Variants in UGGT1 observed in about 807,000 individuals in gnomAD.
UGGT1 encodes UDP-glucose glycoprotein glucosyltransferase 1, also known as UDP-glucose:glycoprotein glucosyltransferase 1.
A neutral mutation model predicts 203.9 loss-of-function variants in UGGT1; 107 were observed. The observed-to-expected ratio is 0.52, with a 90% CI of 0.45 to 0.62. The LOEUF (loss-of-function observed/expected upper bound fraction) is 0.62. Among genes scored for constraint, UGGT1 ranks in the 20% least tolerant of loss-of-function variants. The pLI is 0.00. For synonymous variants in UGGT1, 628 were observed against 653.5 expected (o/e 0.96, Z 0.59); for missense variants, 1,673 against 1,867.2 (o/e 0.90, Z 1.92).
At chr2:128,112,454 T>TTATATATATATATATA (rs59726004) in intron 5 of UGGT1, among the ~76,000 whole-genome samples, 1,589 of 55,702 alleles carry the variant, frequency 0.029, 286 homozygotes, top group Non-Finnish European at 0.044. Flanking sequence ...AAATACTATG[T>TTATATATATATATATA]TATATATATA....
chr2:128,122,515 C>T (rs1688429393), intron 10 of UGGT1, among the ~76,000 whole-genome samples: 1 of 146,962 alleles, frequency 6.8e-6, no homozygotes, highest in African/African-American at 2.5e-5. Context: ...GCCTGAGCAA[C>T]AAGAACGAAA....
intron 26 of UGGT1, among the ~76,000 whole-genome samples, chr2:128,169,045 C>A: frequency 1.4e-5 from 1 of 73,244 alleles, no homozygotes; most frequent in Non-Finnish European, 2.4e-5. Context: ...GAGACTCTGT[C>A]TTTAAAAAAA....
chr2:128,172,488 ACCAGTTGTTAC>A, intron 28 of UGGT1, 74 bp from the exon 29 acceptor site: 1 of 1,437,548 alleles, frequency 7.0e-7, no homozygotes, highest in Non-Finnish European at 9.6e-7. Context: ...ATTTGTTTTA[ACCAGTTGTTAC>A]CTGTGTAAGG....
intron 1 of UGGT1, among the ~76,000 whole-genome samples, chr2:128,092,237 CT>C (rs5834189): frequency 0.89 from 129,409 of 145,704 alleles, 58,247 homozygotes; most frequent in Non-Finnish European, 0.97. Context: ...TTTCACTTTG[CT>C]TTTTTTTTTT....
At chr2:128,138,683 CAT>C (rs1465339488) in intron 15 of UGGT1, 32 bp from the exon 16 acceptor site, 1 of 1,602,844 alleles carries the variant, frequency 6.2e-7, no homozygotes. Context: ...CATTCTTTGA[CAT>C]GTTTCTTTTT....
At chr2:128,159,851 T>C (rs1024626218) in intron 23 of UGGT1, 131 bp downstream of exon 23, 40 of 950,990 alleles carry the variant, frequency 4.2e-5, no homozygotes, top group Non-Finnish European at 5.6e-5. Context: ...ATTTTTTTTT[T>C]TAATTTGGAA....
chr2:128,106,431 A>G (rs1687608331), intron 3 of UGGT1, among the ~76,000 whole-genome samples: 1 of 152,204 alleles, frequency 6.6e-6, no homozygotes, highest in Non-Finnish European at 1.5e-5. Context: ...GACACCATTA[A>G]CATTCTGGCA....
Position 128,102,047 on chromosome 2 carries a change from A to G in UGGT1, c.195-1885A>G, listed in dbSNP as rs115784790. Reference sequence around the variant, plus strand: ...CATCATCCTGTTTTAACAATTATCAATTTAAGTACAATAACCACCATCACC... The same window carrying G: ...CATCATCCTGTTTTAACAATTATCAGTTTAAGTACAATAACCACCATCACC... On this transcript the variant is annotated intron_variant, in intron 2 of 40. Coordinates refer to ENST00000259253, the MANE Select transcript of UGGT1 (RefSeq NM_020120.4). Among the ~76,000 whole-genome samples, 329 of 152,278 alleles carry G rather than the reference A, an allele frequency of 2.2e-3. 3 individuals carry two copies. The highest frequency in any genetic ancestry group is 7.2e-3 in the African/African-American group (300 of 41,556).
intron 31 of UGGT1, among the ~76,000 whole-genome samples, chr2:128,176,559 C>G (rs1691400091): frequency 6.6e-6 from 1 of 152,154 alleles, no homozygotes; most frequent in African/African-American, 2.4e-5. Context: ...CATGTGGTTA[C>G]CACACATGGG....
At position 128,153,337 on chromosome 2, in the gene UGGT1, T is replaced by C. The variant is rs377030912; in HGVS notation, c.2137+433T>C. On this transcript the variant is annotated intron_variant, in intron 19 of 40. Coordinates refer to ENST00000259253, the MANE Select transcript of UGGT1 (RefSeq NM_020120.4). ...CTTAGGAAGGCCTTTAGCAGCTTCA[T>C]CAAGATATGATGTATATGCCATAAA... 1.7e-3 allele frequency among the ~76,000 whole-genome samples: 260 copies of C among 152,304 alleles called. 1 individual carries two copies. Among genetic ancestry groups the C allele is most frequent in the South Asian group, 0.015 (72 of 4,822 alleles).
chr2:128,190,730 A>T lies in UGGT1; in HGVS notation c.*988A>T, dbSNP rs1198422676. 6.6e-6 allele frequency: 1 copy of T among 152,310 alleles called. No homozygotes were observed. Among genetic ancestry groups the T allele is most frequent in the Non-Finnish European group, 1.5e-5 (1 of 68,096 alleles). 9.4% of individuals were successfully genotyped at this position (152,310 alleles called of 1,614,324 possible). On this transcript the variant is annotated 3_prime_UTR_variant, in exon 41 of 41. Transcript: ENST00000259253. ...CCGCATTGTCTGCCCTCTTTTGCGT[A>T]GGATTTTTCTCTCAGACCCAGGGGA...
At chr2:128,093,953 A>G (rs1410921512) in intron 1 of UGGT1, among the ~76,000 whole-genome samples, 1 of 152,202 alleles carries the variant, frequency 6.6e-6, no homozygotes, top group Non-Finnish European at 1.5e-5. Context: ...TAAGGATTAG[A>G]TAACACTGTG....
chr2:128,148,438 G>A (rs929965742), intron 18 of UGGT1, among the ~76,000 whole-genome samples: 2 of 152,142 alleles, frequency 1.3e-5, no homozygotes, highest in African/African-American at 4.8e-5. Flanking sequence ...GTTTCAGCTT[G>A]TTTAACTTAC....
At chr2:128,116,173 T>C (rs1688091361) in intron 7 of UGGT1, 92 bp from the exon 8 acceptor site, 2 of 773,564 alleles carry the variant, frequency 2.6e-6, no homozygotes, top group South Asian at 1.8e-5. Flanking sequence ...TTTTTTCACA[T>C]TATTCAATTT....
At position 128,155,586 on chromosome 2, in the gene UGGT1, A is replaced by G. The variant is rs1690189271; in HGVS notation, c.2235A>G (p.Lys745=). 6.2e-7 allele frequency: 1 copy of G among 1,609,668 alleles called. No individual in the cohort carries two copies. The highest frequency in any genetic ancestry group is 1.3e-5 in the African/African-American group (1 of 74,932). The stretch of plus-strand genomic sequence containing the variant: ...ATAGTATGAACTATCTGACAAAGAA[A>G]GGTAATCCATTTGAGGCTTATTATC... ...VANSMNYLTK[K]GMSSKEIYDD... is the part of the protein sequence containing the mutation. The change falls in exon 20 of 41, where the codon AAA becomes AAG. Residue 745 remains lysine (K), a splice_region_variant and synonymous_variant. Transcript: ENST00000259253.
At chr2:128,097,694 A>G in intron 2 of UGGT1, 130 bp downstream of exon 2, 1 of 1,120,170 alleles carries the variant, frequency 8.9e-7, no homozygotes, top group Non-Finnish European at 1.3e-6. Flanking sequence ...TTCAGTGTAT[A>G]CTGTAGGATG....
At chr2:128,157,131 G>A in intron 21 of UGGT1, 121 bp from the exon 22 acceptor site, 1 of 716,544 alleles carries the variant, frequency 1.4e-6, no homozygotes, top group Non-Finnish European at 2.4e-6. Context: ...TATTAAGCTT[G>A]TCATTTTCTT....
At chr2:128,135,064 G>T in intron 15 of UGGT1, 103 bp downstream of exon 15, 2 of 970,440 alleles carry the variant, frequency 2.1e-6, no homozygotes, top group Non-Finnish European at 3.2e-6. Context: ...ATAATTAATA[G>T]TGCACATCAC....
In UGGT1 at chr2:128,161,239, T is replaced by C; in HGVS notation, c.2796T>C (p.His932=). ...LKTSGQKIKS[H]IQQLRVEEDV... is the part of the protein sequence containing the mutation. ...CCTCAGGACAGAAAATAAAATCTCA[T>C]ATTCAACAGCTTCGGGTAGAAGAAG... The change falls in exon 25 of 41, where the codon CAT becomes CAC. Residue 932 remains histidine (H), a synonymous_variant. Coordinates refer to ENST00000259253, the MANE Select transcript of UGGT1 (RefSeq NM_020120.4). The C allele has an allele frequency of 1.7e-5, 28 of 1,613,990 alleles. No homozygotes were observed. Among genetic ancestry groups the C allele is most frequent in the Non-Finnish European group, 2.4e-5 (28 of 1,179,948 alleles).
Sources: allele counts gnomAD v4.1 joint callset (sites outside exome capture counted in the v4.1 genomes callset), GRCh38; gene constraint gnomAD v4.1.1; transcripts MANE v1.5; gene names NCBI Gene and HGNC (gene_info 2026-07-23, HGNC 2026-07-21).